LINGO2: variants seen among roughly 807,000 people sequenced by gnomAD.
LINGO2 encodes leucine-rich repeat and immunoglobulin-like domain-containing nogo receptor-interacting protein 2.
In LINGO2, 14 loss-of-function variants were observed where a neutral mutation model predicts 30.6. That is an observed-to-expected ratio of 0.46 (90% CI 0.30 to 0.72). LINGO2 has a LOEUF of 0.72. LINGO2 is among the 30% of genes least tolerant of loss of function. The pLI is 0.07. For missense variants in LINGO2, 729 were observed against 751.7 expected (o/e 0.97, Z 0.35); for synonymous variants, 317 against 288.5 (o/e 1.10, Z -1.00).
the LINGO2 span, among the ~76,000 whole-genome samples, chr9:28,726,106 C>T: frequency 6.6e-6 from 1 of 152,252 alleles, no homozygotes; most frequent in African/African-American, 2.4e-5. Flanking sequence ...AATAAGCAAT[C>T]ATTTTGAGCC....
At chr9:29,209,831 T>C in the LINGO2 span, among the ~76,000 whole-genome samples, 1 of 152,190 alleles carries the variant, frequency 6.6e-6, no homozygotes, top group Admixed American at 6.5e-5. Context: ...AAGAGAAATA[T>C]TTACATAAAT....
chr9:28,492,734 T>A (rs1483913660), intron 1 of LINGO2, among the ~76,000 whole-genome samples: 1 of 152,088 alleles, frequency 6.6e-6, no homozygotes, highest in Non-Finnish European at 1.5e-5. Flanking sequence ...GAGGGACTAC[T>A]AAACACTGCC....
intron 1 of LINGO2, among the ~76,000 whole-genome samples, chr9:28,549,123 C>T (rs906169683): frequency 1.3e-5 from 2 of 152,078 alleles, no homozygotes; most frequent in African/African-American, 4.8e-5. Flanking sequence ...TTTCTCTCTA[C>T]AGGTTAACTA....
At chr9:28,039,302 C>T (rs1007882783) in intron 4 of LINGO2, among the ~76,000 whole-genome samples, 5 of 152,264 alleles carry the variant, frequency 3.3e-5, no homozygotes, top group South Asian at 2.1e-4. Flanking sequence ...CACTTGACTA[C>T]GCAATTTTAA....
At chr9:28,455,912 C>G (rs541969216) in intron 2 of LINGO2, among the ~76,000 whole-genome samples, 1 of 152,210 alleles carries the variant, frequency 6.6e-6, no homozygotes, top group Admixed American at 6.5e-5. Flanking sequence ...ATGATGCCCT[C>G]TGTATCAGGA....
At chr9:29,100,596 A>T in the LINGO2 span, among the ~76,000 whole-genome samples, 1 of 149,116 alleles carries the variant, frequency 6.7e-6, no homozygotes, top group East Asian at 1.9e-4. Context: ...TCTTATCTCA[A>T]AAAAAAAAAG....
chr9:28,506,485 C>CACAT (rs1820135121), intron 1 of LINGO2, among the ~76,000 whole-genome samples: 1 of 73,396 alleles, frequency 1.4e-5, no homozygotes, highest in Non-Finnish European at 2.7e-5. Flanking sequence ...CACACATACA[C>CACAT]ATACACACAC....
At chr9:28,108,860 T>C (rs1190204971) in intron 4 of LINGO2, among the ~76,000 whole-genome samples, 1 of 152,242 alleles carries the variant, frequency 6.6e-6, no homozygotes, top group Non-Finnish European at 1.5e-5. Context: ...GGTATAACAA[T>C]GTGCTGAATT....
intron 3 of LINGO2, among the ~76,000 whole-genome samples, chr9:28,357,319 A>ACCCCCCCCC (rs1554710540): frequency 2.7e-5 from 2 of 74,790 alleles, no homozygotes; most frequent in African/African-American, 4.3e-5. Context: ...AATAAAGCCC[A>ACCCCCCCCC]CCCCCCCCAA....
chr9:28,946,090 T>G, the LINGO2 span, among the ~76,000 whole-genome samples: 1 of 152,162 alleles, frequency 6.6e-6, no homozygotes, highest in African/African-American at 2.4e-5. Flanking sequence ...AGATCACCAG[T>G]AATGTTCTAA....
intron 1 of LINGO2, among the ~76,000 whole-genome samples, chr9:28,573,194 T>C (rs1823790616): frequency 6.6e-6 from 1 of 152,172 alleles, no homozygotes; most frequent in African/African-American, 2.4e-5. Flanking sequence ...CTGAACTTTA[T>C]GTCAGTCACA....
chr9:29,100,505 A>C, the LINGO2 span, among the ~76,000 whole-genome samples: 1 of 152,000 alleles, frequency 6.6e-6, no homozygotes, highest in Non-Finnish European at 1.5e-5. Flanking sequence ...GAGGCAAGAG[A>C]ATCACTTGAA....
intron 4 of LINGO2, among the ~76,000 whole-genome samples, chr9:28,230,126 T>C (rs1319047230): frequency 6.6e-6 from 1 of 151,878 alleles, no homozygotes; most frequent in Non-Finnish European, 1.5e-5. Context: ...AAAACTTTCT[T>C]TGTAAGACAA....
chr9:28,485,349 T>C (rs981884088), intron 1 of LINGO2, among the ~76,000 whole-genome samples: 1 of 152,110 alleles, frequency 6.6e-6, no homozygotes, highest in Non-Finnish European at 1.5e-5. Flanking sequence ...AGTAATATCA[T>C]CACAGCTGTT....
the LINGO2 span, among the ~76,000 whole-genome samples, chr9:28,778,115 A>G: frequency 1.3e-5 from 2 of 152,276 alleles, no homozygotes; most frequent in East Asian, 1.9e-4. Flanking sequence ...ATGGTTGACT[A>G]TAACTCCACA....
At chr9:29,040,506 T>G in the LINGO2 span, among the ~76,000 whole-genome samples, 1 of 151,584 alleles carries the variant, frequency 6.6e-6, no homozygotes, top group Admixed American at 6.6e-5. Flanking sequence ...CCAATGTTCA[T>G]AACAGAACTT....
At chr9:28,784,128 A>T in the LINGO2 span, among the ~76,000 whole-genome samples, 3 of 152,126 alleles carry the variant, frequency 2.0e-5, no homozygotes, top group African/African-American at 2.4e-5. Flanking sequence ...ATTGTTTTTT[A>T]AAAAATCAAT....
chr9:28,689,572 G>T, the LINGO2 span, among the ~76,000 whole-genome samples: 1 of 152,226 alleles, frequency 6.6e-6, no homozygotes, highest in African/African-American at 2.4e-5. Flanking sequence ...TGCTGGTAAG[G>T]TTGTGGAGAA....
At chr9:28,737,792 T>C in the LINGO2 span, among the ~76,000 whole-genome samples, 6 of 152,138 alleles carry the variant, frequency 3.9e-5, no homozygotes, top group South Asian at 8.3e-4. Context: ...TCCAATAAAA[T>C]TAGTTAAGTA....
Sources: allele counts gnomAD v4.1 joint callset (sites outside exome capture counted in the v4.1 genomes callset), GRCh38; gene constraint gnomAD v4.1.1; transcripts MANE v1.5; gene names NCBI Gene and HGNC (gene_info 2026-07-23, HGNC 2026-07-21).